NAV2: variants seen among roughly 807,000 people sequenced by gnomAD.
The protein encoded by NAV2 is neuron navigator 2.
A neutral mutation model predicts 223.2 loss-of-function variants in NAV2; 54 were observed. The observed-to-expected ratio is 0.24, with a 90% CI of 0.19 to 0.30. NAV2 has a LOEUF of 0.30. NAV2 is among the 10% of genes least tolerant of loss of function. The pLI, the probability that NAV2 is intolerant of heterozygous loss-of-function variation, is 1.00. For synonymous variants in NAV2, 1,279 were observed against 1,239.3 expected, an observed-to-expected ratio of 1.03 and a Z score of -0.67; for missense variants, 2,806 against 3,147.5, an observed-to-expected ratio of 0.89 and a Z score of 2.60.
intron 3 of NAV2, among the ~76,000 whole-genome samples, chr11:19,844,959 G>A (rs191432379): frequency 5.9e-5 from 9 of 152,224 alleles, no homozygotes; most frequent in East Asian, 5.8e-4. Flanking sequence ...CAGGATGTGA[G>A]TCCAGGAAAA....
chr11:20,044,156 A>G lies in NAV2; in HGVS notation c.3083A>G (p.Asn1028Ser). 6.2e-7 allele frequency: 1 copy of G among 1,614,212 alleles called. No individual in the cohort carries two copies. Among genetic ancestry groups the G allele is most frequent in the Non-Finnish European group, 8.5e-7 (1 of 1,180,030 alleles). The change falls in exon 13 of 38, where the codon AAT becomes AGT. Residue 1028 changes from asparagine to serine, a missense_variant. Around this residue, in one of 4 missense-constraint regions of NAV2, gnomAD observed 742 missense variants for 777.9 expected, o/e 0.95. Coordinates refer to ENST00000349880, the MANE Select transcript of NAV2 (RefSeq NM_145117.5). ...GACAAAAGCACGTCGGGCAAGAAGA[A>G]TCCTGTCATCTCCCAGACAGGCTCA... The part of the protein sequence containing the change: ...ESDKSTSGKK[N>S]PVISQTGSWR...
intron 1 of NAV2, among the ~76,000 whole-genome samples, chr11:19,622,583 G>T (rs1237581684): frequency 6.6e-6 from 1 of 152,114 alleles, no homozygotes; most frequent in Admixed American, 6.5e-5. Context: ...TGCAACCCCT[G>T]CTTTTTTTTG....
chr11:19,819,029 TCCTC>T (rs1217566444), intron 1 of NAV2, among the ~76,000 whole-genome samples: 2 of 152,106 alleles, frequency 1.3e-5, no homozygotes, highest in African/African-American at 4.8e-5. Flanking sequence ...CTCCCTCCCT[TCCTC>T]CATCCATTTT....
At chr11:19,530,620 T>A (rs889276626) in intron 1 of NAV2, among the ~76,000 whole-genome samples, 3 of 152,224 alleles carry the variant, frequency 2.0e-5, no homozygotes, top group Non-Finnish European at 4.4e-5. Context: ...TGCTTCTGTC[T>A]GAGTTCACCT....
At chr11:19,920,169 T>C (rs1296084757) in intron 6 of NAV2, among the ~76,000 whole-genome samples, 1 of 152,194 alleles carries the variant, frequency 6.6e-6, no homozygotes, top group Admixed American at 6.5e-5. Flanking sequence ...ATTGTTCAAA[T>C]TCTTACTCTA....
At chr11:19,582,580 A>T (rs914630095) in intron 1 of NAV2, among the ~76,000 whole-genome samples, 8 of 152,232 alleles carry the variant, frequency 5.3e-5, no homozygotes, top group Non-Finnish European at 1.0e-4. Flanking sequence ...AGCTTTCTGC[A>T]TATGGCTAGC....
At chr11:20,109,051 C>A (rs1320230580) in intron 36 of NAV2, among the ~76,000 whole-genome samples, 7 of 152,070 alleles carry the variant, frequency 4.6e-5, no homozygotes, top group African/African-American at 1.7e-4. Context: ...CCCACAGGCA[C>A]GTGTGTGACA....
At chr11:19,453,033 A>G (rs1174504359) in intron 1 of NAV2, among the ~76,000 whole-genome samples, 1 of 152,214 alleles carries the variant, frequency 6.6e-6, no homozygotes, top group Non-Finnish European at 1.5e-5. Flanking sequence ...AGATCACATG[A>G]ACCCAAAATC....
At chr11:19,852,286 T>C (rs2061187831) in intron 3 of NAV2, among the ~76,000 whole-genome samples, 1 of 152,260 alleles carries the variant, frequency 6.6e-6, no homozygotes, top group Non-Finnish European at 1.5e-5. Context: ...TTGGGTTTTA[T>C]AGCACAGGCT....
chr11:19,454,552 A>C (rs111674922), intron 1 of NAV2, among the ~76,000 whole-genome samples: 7,500 of 152,118 alleles, frequency 0.049, 498 homozygotes, highest in African/African-American at 0.15. Flanking sequence ...GTTTGTTTGC[A>C]AGTTTGTTCA....
intron 1 of NAV2, among the ~76,000 whole-genome samples, chr11:19,563,981 ATAAATATTAGC>A (rs1328485324): frequency 1.3e-5 from 2 of 152,212 alleles, no homozygotes; most frequent in Non-Finnish European, 2.9e-5. Context: ...TATTGAACAA[ATAAATATTAGC>A]TGCTACTGTA....
At chr11:19,846,749 A>G (rs1366426893) in intron 3 of NAV2, among the ~76,000 whole-genome samples, 5 of 152,152 alleles carry the variant, frequency 3.3e-5, no homozygotes, top group Non-Finnish European at 7.3e-5. Flanking sequence ...TTCCATCAGC[A>G]TTTGTAACCC....
chr11:19,440,499 A>G (rs901743624), intron 1 of NAV2, among the ~76,000 whole-genome samples: 10 of 152,156 alleles, frequency 6.6e-5, no homozygotes, highest in Admixed American at 6.5e-5. Context: ...AGAACGGGGT[A>G]AGGAGAGGGG....
chr11:19,532,266 A>G (rs1292978877), intron 1 of NAV2, among the ~76,000 whole-genome samples: 1 of 152,204 alleles, frequency 6.6e-6, no homozygotes, highest in Non-Finnish European at 1.5e-5. Flanking sequence ...AACACAGGGC[A>G]TCACCCAGCA....
At chr11:19,712,028 A>C (rs1162598818), upstream of NAV2, 1 of 152,176 alleles carries the variant, frequency 6.6e-6, no homozygotes, top group African/African-American at 2.4e-5. Context: ...ATTCTCATCC[A>C]CTTTCAGTCA....
At chr11:19,494,954 G>A (rs2042747350) in intron 1 of NAV2, among the ~76,000 whole-genome samples, 2 of 152,180 alleles carry the variant, frequency 1.3e-5, no homozygotes, top group Admixed American at 6.5e-5. Flanking sequence ...TGCCCCTGGT[G>A]GGACTGACCT....
chr11:20,096,664 ATTAC>A (rs2061292416), intron 30 of NAV2, among the ~76,000 whole-genome samples: 1 of 152,216 alleles, frequency 6.6e-6, no homozygotes, highest in Non-Finnish European at 1.5e-5. Context: ...CACCACCATA[ATTAC>A]TTTTGCAACA....
chr11:19,559,099 G>A (rs2045006864), intron 1 of NAV2, among the ~76,000 whole-genome samples: 1 of 152,208 alleles, frequency 6.6e-6, no homozygotes, highest in Admixed American at 6.5e-5. Flanking sequence ...TGAGTGACTT[G>A]CACATGCAAG....
At chr11:19,947,389 C>A (rs779207188) in intron 9 of NAV2, among the ~76,000 whole-genome samples, 1 of 152,168 alleles carries the variant, frequency 6.6e-6, no homozygotes, top group Non-Finnish European at 1.5e-5. Context: ...AGAGTAAACT[C>A]GGGGGTTTGG....
Sources: gnomAD v4.1 joint callset for allele counts (sites outside exome capture counted in the v4.1 genomes callset) on GRCh38, gnomAD v4.1.1 for gene constraint, gnomAD v4.1.1 regional missense constraint, MANE v1.5 for transcripts, NCBI Gene and HGNC (gene_info 2026-07-23, HGNC 2026-07-21) for gene names.